ZNF385D: variants seen among roughly 807,000 people sequenced by gnomAD.
ZNF385D encodes the protein zinc finger protein 385D, also known as zinc finger protein 659.
Under a neutral mutation model 35.8 loss-of-function variants are expected in ZNF385D, and 15 were observed. The ratio of observed to expected loss-of-function variants is 0.42; its 90% CI spans 0.28 to 0.64. ZNF385D has a LOEUF of 0.64. ZNF385D is among the 30% of genes least tolerant of loss of function. ZNF385D has a pLI of 0.23. For missense variants in ZNF385D, 474 were observed against 494.6 expected (o/e 0.96, Z 0.39); for synonymous variants, 212 against 186.8 (o/e 1.13, Z -1.10).
At chr3:21,569,209 A>G (rs1396081370) in intron 2 of ZNF385D, among the ~76,000 whole-genome samples, 2 of 150,634 alleles carry the variant, frequency 1.3e-5, no homozygotes, top group African/African-American at 4.9e-5. Context: ...GTCTCTTTGT[A>G]GGTCACTCAG....
In ZNF385D at chr3:21,564,724, G is replaced by A. The variant is rs753210956; in HGVS notation, c.166-40C>T. The A allele has an allele frequency of 6.1e-6, 8 of 1,305,856 alleles. No individual in the cohort carries two copies. In the East Asian group the frequency reaches 1.8e-4, roughly 29 times the overall value. 80.9% of individuals were successfully genotyped at this position (1,305,856 alleles called of 1,614,324 possible). ...AAGAAATACAACAAATAGAAATAAA[G>A]CTTGTCAGTTCCATTGGAATTTTGC... On this transcript the variant is annotated intron_variant, in intron 2 of 7. Transcript: ENST00000281523.
intron 3 of ZNF385D, among the ~76,000 whole-genome samples, chr3:21,971,733 T>C (rs766752065): frequency 1.3e-5 from 2 of 150,006 alleles, no homozygotes; most frequent in South Asian, 4.2e-4. Context: ...ATTTCACCTA[T>C]AAAGATACAT....
chr3:22,256,568 A>G (rs1028746394), intron 2 of ZNF385D, among the ~76,000 whole-genome samples: 1 of 151,870 alleles, frequency 6.6e-6, no homozygotes, highest in Admixed American at 6.6e-5. Context: ...AGGTGGCAAT[A>G]TAATTTCTGT....
intron 2 of ZNF385D, among the ~76,000 whole-genome samples, chr3:21,651,287 C>CAAAAAAAA (rs71044931): frequency 1.2e-5 from 1 of 80,118 alleles, no homozygotes; most frequent in Non-Finnish European, 2.2e-5. Context: ...GACTTCATCT[C>CAAAAAAAA]AAAAAAAAAA....
intron 3 of ZNF385D, among the ~76,000 whole-genome samples, chr3:22,060,630 T>A (rs1699639756): frequency 6.6e-6 from 1 of 152,150 alleles, no homozygotes; most frequent in African/African-American, 2.4e-5. Context: ...ATTTTAGATC[T>A]CACTTAAAAT....
At chr3:21,665,691 G>T (rs2066384379) in intron 1 of ZNF385D, among the ~76,000 whole-genome samples, 1 of 152,104 alleles carries the variant, frequency 6.6e-6, no homozygotes, top group Non-Finnish European at 1.5e-5. Context: ...GGCCACTGTT[G>T]AGCAGGCAGT....
chr3:22,195,587 G>C (rs978146830), intron 2 of ZNF385D, among the ~76,000 whole-genome samples: 1 of 151,870 alleles, frequency 6.6e-6, no homozygotes, highest in African/African-American at 2.4e-5. Flanking sequence ...CAAACATTAC[G>C]AGTGACTTAC....
At chr3:22,124,928 C>T (rs996150026) in intron 3 of ZNF385D, among the ~76,000 whole-genome samples, 6 of 151,922 alleles carry the variant, frequency 3.9e-5, no homozygotes, top group African/African-American at 1.5e-4. Flanking sequence ...TTGATGTGAC[C>T]CCATTTGTCC....
chr3:21,651,985 C>A (rs982028783), intron 2 of ZNF385D, among the ~76,000 whole-genome samples: 1 of 152,094 alleles, frequency 6.6e-6, no homozygotes, highest in Admixed American at 6.5e-5. Flanking sequence ...AAACTTGATG[C>A]CAGTTAGAAC....
chr3:21,970,726 A>G (rs953706900), intron 3 of ZNF385D, among the ~76,000 whole-genome samples: 2 of 152,118 alleles, frequency 1.3e-5, no homozygotes, highest in African/African-American at 4.8e-5. Flanking sequence ...ATAGAACACC[A>G]AGAAGATTTA....
intron 1 of ZNF385D, among the ~76,000 whole-genome samples, chr3:21,682,156 C>G (rs1458439853): frequency 6.6e-6 from 1 of 152,134 alleles, no homozygotes; most frequent in Non-Finnish European, 1.5e-5. Context: ...ACATAGAAAT[C>G]TAACAAAATA....
rs369105052 is a variant in ZNF385D at position 21,745,176 on chromosome 3, A to C, written c.22+5719T>G. ...GGGGCAGACAGCATTTTCTGTGAGCATCAATCCTGATACTGCTGCGAATTT... is the reference window on the plus strand; with the variant it reads ...GGGGCAGACAGCATTTTCTGTGAGCCTCAATCCTGATACTGCTGCGAATTT... On this transcript the variant is annotated intron_variant, in intron 1 of 7. Transcript: ENST00000281523. 5.2e-4 allele frequency among the ~76,000 whole-genome samples: 79 copies of C among 152,320 alleles called. 1 individual carries two copies. Among genetic ancestry groups the C allele is most frequent in the African/African-American group, 1.9e-3 (78 of 41,564 alleles).
intron 2 of ZNF385D, among the ~76,000 whole-genome samples, chr3:21,592,273 A>G (rs982178557): frequency 3.3e-5 from 5 of 152,128 alleles, no homozygotes; most frequent in African/African-American, 9.7e-5. Context: ...TTTATAAGAT[A>G]TGGCTTTTCT....
At chr3:22,208,585 A>C (rs1050018117) in intron 2 of ZNF385D, among the ~76,000 whole-genome samples, 1 of 151,802 alleles carries the variant, frequency 6.6e-6, no homozygotes, top group African/African-American at 2.4e-5. Flanking sequence ...TGTAACAAAA[A>C]GGATAAATGC....
intron 3 of ZNF385D, among the ~76,000 whole-genome samples, chr3:21,995,444 C>G (rs528901619): frequency 2.6e-5 from 4 of 152,064 alleles, no homozygotes; most frequent in African/African-American, 4.8e-5. Context: ...AGATGACATG[C>G]TTGGGCACTG....
At chr3:21,757,903 A>G (rs1257346131) in intron 3 of ZNF385D, among the ~76,000 whole-genome samples, 1 of 152,208 alleles carries the variant, frequency 6.6e-6, no homozygotes, top group Non-Finnish European at 1.5e-5. Context: ...CATAGGAGAC[A>G]TGCCATAAAT....
At chr3:21,960,201 A>AACACACACACACACACACACAC (rs1702509308) in intron 3 of ZNF385D, among the ~76,000 whole-genome samples, 2 of 32,764 alleles carry the variant, frequency 6.1e-5, no homozygotes, top group Non-Finnish European at 2.1e-4. Flanking sequence ...ACTAAACAGC[A>AACACACACACACACACACACAC]ATACACACAC....
intron 2 of ZNF385D, among the ~76,000 whole-genome samples, chr3:22,182,826 A>T (rs1695370490): frequency 6.6e-6 from 1 of 152,132 alleles, no homozygotes; most frequent in African/African-American, 2.4e-5. Context: ...AAGATAAAAA[A>T]TAATTATACA....
At chr3:22,026,677 C>T (rs259428) in intron 3 of ZNF385D, among the ~76,000 whole-genome samples, 33,288 of 152,048 alleles carry the variant, frequency 0.22, 4,488 homozygotes, top group East Asian at 0.44. Flanking sequence ...ACTTCCTGAG[C>T]GGTAGAGTGA....
Sources: allele counts gnomAD v4.1 joint callset (sites outside exome capture counted in the v4.1 genomes callset), GRCh38; gene constraint gnomAD v4.1.1; transcripts MANE v1.5; gene names NCBI Gene and HGNC (gene_info 2026-07-23, HGNC 2026-07-21).